DOCK9: variants seen among roughly 807,000 people sequenced by gnomAD.
DOCK9 encodes dedicator of cytokinesis 9, also known as dedicator of cytokinesis protein 9.
DOCK9 carries 89 observed loss-of-function variants against 263.3 expected under a neutral mutation model. The ratio of observed to expected loss-of-function variants is 0.34; its 90% CI spans 0.28 to 0.40. The LOEUF is 0.40. Ranked by LOEUF, DOCK9 falls within the 10% of genes least tolerant of loss-of-function variation. DOCK9 has a pLI of 1.00. For missense variants in DOCK9, 2,140 were observed against 2,603.4 expected, an observed-to-expected ratio of 0.82 and a Z score of 3.87; for synonymous variants, 976 against 973.1, an observed-to-expected ratio of 1.00 and a Z score of -0.06.
chr13:99,057,848 A>G (rs1483949657), intron 1 of DOCK9, among the ~76,000 whole-genome samples: 1 of 152,220 alleles, frequency 6.6e-6, no homozygotes, highest in Non-Finnish European at 1.5e-5. Flanking sequence ...GAGTTTGAAC[A>G]TACTGTCATT....
intron 45 of DOCK9, among the ~76,000 whole-genome samples, chr13:98,817,176 C>G (rs1361561879): frequency 1.3e-5 from 2 of 152,088 alleles, no homozygotes; most frequent in African/African-American, 2.4e-5. Flanking sequence ...ATATGCCAAA[C>G]AGAATTTATG....
intron 2 of DOCK9, chr13:98,949,790 TC>T: frequency 2.2e-6 from 1 of 453,610 alleles, no homozygotes; most frequent in Non-Finnish European, 4.3e-6. Context: ...GGAAGCCCAC[TC>T]TATTCTTGGT....
intron 1 of DOCK9, among the ~76,000 whole-genome samples, chr13:98,988,164 T>C (rs1202915672): frequency 6.6e-6 from 1 of 152,182 alleles, no homozygotes; most frequent in African/African-American, 2.4e-5. Context: ...TCCAGGAAAG[T>C]AGCAAATGCT....
Position 98,890,961 on chromosome 13 carries a change from G to C in DOCK9, c.1710-2250C>G, listed in dbSNP as rs117188754. Among the ~76,000 whole-genome samples, 668 of 152,300 alleles carry C rather than the reference G, an allele frequency of 4.4e-3. 1 individual carries two copies. Among genetic ancestry groups the C allele is most frequent in the Non-Finnish European group, 7.4e-3 (502 of 68,034 alleles). ...AAAGAGGTAATGGTCAGGAAGGCAAGTCAATGATTTTTCACATGTTCCGCC... is the reference window on the plus strand; with the variant it reads ...AAAGAGGTAATGGTCAGGAAGGCAACTCAATGATTTTTCACATGTTCCGCC... On this transcript the variant is annotated intron_variant, in intron 15 of 52. Coordinates refer to ENST00000682017, the MANE Select transcript of DOCK9 (RefSeq NM_001366683.2).
rs369228493 is a variant in DOCK9, at chr13:98,975,355, T to C, written c.126+2429A>G. ...GCAACCTGGATGACAGAGTAAGACT[T>C]TGTCTCAAAAAAAAAAAAAGGCATA... On this transcript the variant is annotated intron_variant, in intron 1 of 52. Transcript: ENST00000682017. Among the ~76,000 whole-genome samples, 10 of 150,182 alleles carry C rather than the reference T, an allele frequency of 6.7e-5. No homozygotes were observed. In the East Asian group the frequency reaches 1.6e-3, roughly 23 times the overall value.
intron 45 of DOCK9, among the ~76,000 whole-genome samples, chr13:98,823,129 CAA>C (rs5806074): frequency 1.3e-4 from 18 of 140,792 alleles, no homozygotes; most frequent in African/African-American, 4.2e-4. Context: ...ATATTTTTTC[CAA>C]AAAAAAAAAG....
At chr13:98,822,401 A>C (rs187814029) in intron 45 of DOCK9, among the ~76,000 whole-genome samples, 31 of 152,334 alleles carry the variant, frequency 2.0e-4, no homozygotes, top group Non-Finnish European at 1.5e-4. Flanking sequence ...TCAGCTCTGC[A>C]GGATAGGTCA....
At chr13:98,799,884 A>G (rs999689269) in intron 50 of DOCK9, among the ~76,000 whole-genome samples, 3 of 152,216 alleles carry the variant, frequency 2.0e-5, no homozygotes. Flanking sequence ...AGATACCATT[A>G]AGAGGGTAAA....
At chr13:98,804,133 G>A (rs1338871990) in intron 49 of DOCK9, among the ~76,000 whole-genome samples, 1 of 152,164 alleles carries the variant, frequency 6.6e-6, no homozygotes, top group East Asian at 1.9e-4. Context: ...AACTTCCGGG[G>A]AGCAGGCCCT....
intron 1 of DOCK9, among the ~76,000 whole-genome samples, chr13:98,970,695 T>C (rs2059650988): frequency 6.6e-6 from 1 of 152,186 alleles, no homozygotes; most frequent in African/African-American, 2.4e-5. Context: ...AAAATGTCAT[T>C]CTAAAAGAGA....
chr13:98,883,012 A>G (rs377747513), intron 23 of DOCK9, 30 bp downstream of exon 23: 402 of 1,590,542 alleles, frequency 2.5e-4, no homozygotes, highest in Non-Finnish European at 3.2e-4. Flanking sequence ...AACTCACTTA[A>G]AAGGGGATAC....
In DOCK9 at chr13:98,863,913, T is replaced by C. The variant is rs146401184; in HGVS notation, c.3287-365A>G. Among the ~76,000 whole-genome samples the C allele has an allele frequency of 3.9e-3, 599 of 152,348 alleles. 4 individuals are homozygous for C. The highest frequency in any genetic ancestry group is 0.014 in the African/African-American group (571 of 41,574). ...TTTGTTATTGACAAAGTTAAAAACG[T>C]TATTATACTAGCTAACAGAACTGTA... On this transcript the variant is annotated intron_variant, in intron 30 of 52. Coordinates refer to ENST00000682017, the MANE Select transcript of DOCK9 (RefSeq NM_001366683.2).
intron 45 of DOCK9, among the ~76,000 whole-genome samples, chr13:98,815,760 C>T (rs1369848799): frequency 3.3e-5 from 5 of 152,258 alleles, no homozygotes; most frequent in East Asian, 3.9e-4. Flanking sequence ...GGATTACAGG[C>T]GTGAGCCACC....
intron 1 of DOCK9, among the ~76,000 whole-genome samples, chr13:99,027,314 G>C (rs1023469453): frequency 2.0e-5 from 3 of 152,034 alleles, no homozygotes; most frequent in Non-Finnish European, 2.9e-5. Flanking sequence ...CACCACATCC[G>C]GCCTCATTTA....
chr13:98,966,657 T>A (rs895319810), intron 1 of DOCK9, among the ~76,000 whole-genome samples: 2 of 152,202 alleles, frequency 1.3e-5, no homozygotes, highest in African/African-American at 2.4e-5. Context: ...TTCAAAACAA[T>A]GTACTTTAAG....
chr13:98,938,219 G>C (rs148207279), intron 2 of DOCK9, among the ~76,000 whole-genome samples: 2 of 152,322 alleles, frequency 1.3e-5, no homozygotes, highest in South Asian at 4.1e-4. Flanking sequence ...AATGTGAAGC[G>C]AATCGTTTCA....
In DOCK9 at chr13:98,829,781, A is replaced by G; in HGVS notation, c.4636-25T>C. 1 of 1,564,392 alleles carries G rather than the reference A, an allele frequency of 6.4e-7. No individual in the cohort carries two copies. Among genetic ancestry groups the G allele is most frequent in the Non-Finnish European group, 8.7e-7 (1 of 1,148,422 alleles). Reference sequence around the variant, plus strand: ...CCTTAGGGACACACAAACATGAGCAAATCAATTTACCTTCAAATGACTGCC... The same window carrying G: ...CCTTAGGGACACACAAACATGAGCAGATCAATTTACCTTCAAATGACTGCC... On this transcript the variant is annotated intron_variant, in intron 41 of 52. Transcript: ENST00000682017. This position sits in a 1 kb window ranked among gnomAD's most constrained non-coding sequence, Gnocchi z 4.1.
At chr13:98,903,622 C>CAAAAAAAAAAAAAAA (rs200600461) in intron 10 of DOCK9, among the ~76,000 whole-genome samples, 1 of 124,172 alleles carries the variant, frequency 8.1e-6, no homozygotes, top group Non-Finnish European at 1.7e-5. Context: ...AAAAAAAAGA[C>CAAAAAAAAAAAAAAA]AAAAAAAAAA....
At position 98,912,058 on chromosome 13, in the gene DOCK9, C is replaced by T. The variant is rs865808960; in HGVS notation, c.960+2270G>A. Reference sequence around the variant, plus strand: ...CTAATTTTTGTATTTCTAGTAGAGACAGGGTTTTATACCATGTTGGCAAGG... The same window carrying T: ...CTAATTTTTGTATTTCTAGTAGAGATAGGGTTTTATACCATGTTGGCAAGG... On this transcript the variant is annotated intron_variant, in intron 9 of 52. Transcript: ENST00000682017. Among the ~76,000 whole-genome samples, 179 of 151,272 alleles carry T rather than the reference C, an allele frequency of 1.2e-3. 1 individual carries two copies. Among genetic ancestry groups the T allele is most frequent in the Middle Eastern group, 0.01 (3 of 290 alleles).
Sources: gnomAD v4.1 joint callset for allele counts (sites outside exome capture counted in the v4.1 genomes callset) on GRCh38, gnomAD v4.1.1 for gene constraint, Gnocchi (gnomAD v3.1) non-coding constraint, MANE v1.5 for transcripts, NCBI Gene and HGNC (gene_info 2026-07-23, HGNC 2026-07-21) for gene names.